Variants in RARA observed in about 807,000 individuals in gnomAD.
The protein encoded by RARA is retinoic acid receptor alpha.
A neutral mutation model predicts 42.8 loss-of-function variants in RARA; 5 were observed. That is an observed-to-expected ratio of 0.12 (90% CI 0.06 to 0.25). The LOEUF is 0.25. Among genes scored for constraint, RARA ranks in the 10% least tolerant of loss-of-function variants. The pLI is 1.00. For synonymous variants in RARA, 256 were observed against 259.5 expected, an observed-to-expected ratio of 0.99 and a Z score of 0.13; for missense variants, 402 against 628.7, an observed-to-expected ratio of 0.64 and a Z score of 3.86.
At chr17:40,333,532 T>C (rs1455084226) in intron 2 of RARA, among the ~76,000 whole-genome samples, 4 of 151,874 alleles carry the variant, frequency 2.6e-5, no homozygotes, top group East Asian at 1.9e-4. Flanking sequence ...GATGGGGTTT[T>C]GCCATGTTGG....
At chr17:40,342,728 G>C (rs2034113564) in intron 2 of RARA, 2 of 1,611,818 alleles carry the variant, frequency 1.2e-6, no homozygotes, top group African/African-American at 1.3e-5. Context: ...TAGAAGTGGG[G>C]GGTCCCACCC....
In RARA at chr17:40,356,725, T is replaced by C. The variant is rs2034645399; in HGVS notation, c.*499T>C. On this transcript the variant is annotated 3_prime_UTR_variant, in exon 9 of 9. Transcript: ENST00000254066. ...TGCCATACCAACCCCAGGTATTAAT[T>C]CTCGCTGGTTTTGTTTTTATTTTAA... 1.9e-6 allele frequency: 1 copy of C among 534,362 alleles called. No homozygotes were observed. Among genetic ancestry groups the C allele is most frequent in the Non-Finnish European group, 3.6e-6 (1 of 277,620 alleles). 33.1% of individuals were successfully genotyped at this position (534,362 alleles called of 1,614,324 possible). A position where few individuals can be genotyped will look rare whatever the true frequency, so the allele number is the denominator to read the frequency against.
At chr17:40,313,483 C>T (rs2033134082) in intron 1 of RARA, among the ~76,000 whole-genome samples, 1 of 152,144 alleles carries the variant, frequency 6.6e-6, no homozygotes, top group African/African-American at 2.4e-5. Flanking sequence ...CCCCACAGGC[C>T]ACCATGCTGC....
chr17:40,318,437 C>T (rs1383243493), intron 1 of RARA: 1 of 152,332 alleles, frequency 6.6e-6, no homozygotes, highest in Admixed American at 6.5e-5. Flanking sequence ...GGGTTGCTTC[C>T]CCCGCTGCGA....
intron 1 of RARA, among the ~76,000 whole-genome samples, chr17:40,318,791 C>G (rs553386903): frequency 1.2e-4 from 19 of 152,352 alleles, no homozygotes; most frequent in Non-Finnish European, 2.8e-4. Flanking sequence ...GAATTCAAAC[C>G]TGTTTGGGGA....
At chr17:40,343,263 G>C (rs764007471) in intron 2 of RARA, 2 of 161,738 alleles carry the variant, frequency 1.2e-5, no homozygotes, top group African/African-American at 2.4e-5. Flanking sequence ...CTGCTCCCGG[G>C]GGAAGGCCCC....
At chr17:40,341,516 T>G in intron 2 of RARA, 1 of 1,481,212 alleles carries the variant, frequency 6.8e-7, no homozygotes, top group Non-Finnish European at 9.0e-7. Context: ...CTGCCGCCGC[T>G]CTCCGCGTCT....
rs904865502 is a variant in RARA at position 40,345,491 on chromosome 17, G to C, written c.179-2825G>C. On this transcript the variant is annotated intron_variant, in intron 2 of 8. Coordinates refer to ENST00000254066, the MANE Select transcript of RARA (RefSeq NM_000964.4). The surrounding 1 kb of genome is among the most constrained non-coding windows in gnomAD (Gnocchi z 4.8). ...TGTGCGAGCCTGCGAACGGCTCGGG[G>C]GCGTGGGGAATCCGGAGTGGAGCGC... Among the ~76,000 whole-genome samples, 2 of 152,210 alleles carry C rather than the reference G, an allele frequency of 1.3e-5. No homozygotes were observed. The highest frequency in any genetic ancestry group is 2.9e-5 in the Non-Finnish European group (2 of 68,018).
intron 1 of RARA, among the ~76,000 whole-genome samples, chr17:40,312,511 C>G (rs986053603): frequency 6.6e-6 from 1 of 152,232 alleles, no homozygotes; most frequent in Admixed American, 6.5e-5. Flanking sequence ...TGGTCAGTCC[C>G]CTGGCAGGAG....
chr17:40,315,601 G>C (rs1459898701), intron 1 of RARA, among the ~76,000 whole-genome samples: 1 of 152,008 alleles, frequency 6.6e-6, no homozygotes, highest in Non-Finnish European at 1.5e-5. Flanking sequence ...GGTCTTGGAG[G>C]GCCAATTGCT....
chr17:40,309,816 A>G (rs1260282939), intron 1 of RARA, among the ~76,000 whole-genome samples: 1 of 152,158 alleles, frequency 6.6e-6, no homozygotes, highest in Non-Finnish European at 1.5e-5. Context: ...AGGCTTTGCT[A>G]GAGGGTAGTG....
At chr17:40,316,390 C>T (rs1194608899) in intron 1 of RARA, among the ~76,000 whole-genome samples, 1 of 152,202 alleles carries the variant, frequency 6.6e-6, no homozygotes, top group Non-Finnish European at 1.5e-5. Flanking sequence ...ATACATGCGT[C>T]GGGGATGTAC....
At chr17:40,322,198 T>C (rs182924104) in intron 1 of RARA, among the ~76,000 whole-genome samples, 3,356 of 152,010 alleles carry the variant, frequency 0.022, 66 homozygotes, top group Non-Finnish European at 0.034. Flanking sequence ...TTCCCCCACC[T>C]TCAGCCAAGG....
Position 40,357,175 on chromosome 17 carries a change from TG to T in RARA, c.*951del. 1 of 237,762 alleles carries T rather than the reference TG, an allele frequency of 4.2e-6. No homozygotes were observed. Among genetic ancestry groups the T allele is most frequent in the Non-Finnish European group, 8.3e-6 (1 of 120,734 alleles). The allele number at this position is 237,762 out of a possible 1,614,324, so 14.7% of individuals were successfully genotyped here. On this transcript the variant is annotated 3_prime_UTR_variant, in exon 9 of 9. Coordinates refer to ENST00000254066, the MANE Select transcript of RARA (RefSeq NM_000964.4). Reference sequence around the variant, plus strand: ...CCCCGGGACAGAGTTTTCCCAGACCTGGCTCCTCGGCAGAGCTGCCTCCCGT... The same window carrying T: ...CCCCGGGACAGAGTTTTCCCAGACCTGCTCCTCGGCAGAGCTGCCTCCCGT...
At chr17:40,337,802 T>C (rs139342026) in intron 2 of RARA, among the ~76,000 whole-genome samples, 9 of 152,300 alleles carry the variant, frequency 5.9e-5, no homozygotes, top group African/African-American at 2.2e-4. Flanking sequence ...GTCCTTCCCT[T>C]CTTCCTATCC....
Position 40,354,292 on chromosome 17 carries a change from C to T in RARA, c.808-10C>T, listed in dbSNP as rs1221040271. The T allele has an allele frequency of 6.2e-7, 1 of 1,613,620 alleles. No individual in the cohort carries two copies. Among genetic ancestry groups the T allele is most frequent in the South Asian group, 1.1e-5 (1 of 91,044 alleles). Reference sequence around the variant, plus strand: ...TTCAGTCCCTGAACCCAAGCATCCTCTGCACCCAGATCCTGCGGATCTGCA... The same window carrying T: ...TTCAGTCCCTGAACCCAAGCATCCTTTGCACCCAGATCCTGCGGATCTGCA... On this transcript the variant is annotated splice_polypyrimidine_tract_variant and intron_variant, in intron 6 of 8. Coordinates refer to ENST00000254066, the MANE Select transcript of RARA (RefSeq NM_000964.4). This position sits in a 1 kb window ranked among gnomAD's most constrained non-coding sequence, Gnocchi z 4.5.
At position 40,354,246 on chromosome 17, in the gene RARA, A is replaced by G. The variant is rs768091979; in HGVS notation, c.808-56A>G. On this transcript the variant is annotated intron_variant, in intron 6 of 8. Coordinates refer to ENST00000254066, the MANE Select transcript of RARA (RefSeq NM_000964.4). This position sits in a 1 kb window ranked among gnomAD's most constrained non-coding sequence, Gnocchi z 4.5. ...GTGCTGGTGCGGAGTGCTGGTGCCG[A>G]GTGCTCAGAGTGGGTTCGGGTTCAG... 6.4e-7 allele frequency: 1 copy of G among 1,550,744 alleles called. No homozygotes were observed. Among genetic ancestry groups the G allele is most frequent in the Non-Finnish European group, 8.9e-7 (1 of 1,129,376 alleles).
chr17:40,341,607 C>G lies in RARA; in HGVS notation c.179-6709C>G, dbSNP rs532579180. The G allele has an allele frequency of 3.7e-6, 5 of 1,356,248 alleles. No homozygotes were observed. In the Admixed American group the frequency reaches 1.6e-4, roughly 45 times the overall value. The allele number at this position is 1,356,248 out of a possible 1,614,324, so 84.0% of individuals were successfully genotyped here. A position where few individuals can be genotyped will look rare whatever the true frequency, so the allele number is the denominator to read the frequency against. On this transcript the variant is annotated intron_variant, in intron 2 of 8. Transcript: ENST00000254066. ...GCGGGCTGGCGAGCGGGTGATGTCACGGGCAGCGGTGGGTGGGTCACTCGG... is the reference window on the plus strand; with the variant it reads ...GCGGGCTGGCGAGCGGGTGATGTCAGGGGCAGCGGTGGGTGGGTCACTCGG...
chr17:40,356,986 A>G lies in RARA; in HGVS notation c.*760A>G. On this transcript the variant is annotated 3_prime_UTR_variant, in exon 9 of 9. Transcript: ENST00000254066. ...TAAAACTGTGAAGTACTAACTTTCCAAGGCCTGCCTTCCCCTCCCTCCCAC... is the reference window on the plus strand; with the variant it reads ...TAAAACTGTGAAGTACTAACTTTCCGAGGCCTGCCTTCCCCTCCCTCCCAC... 1 of 377,218 alleles carries G rather than the reference A, an allele frequency of 2.7e-6. No homozygotes were observed. The highest frequency in any genetic ancestry group is 5.0e-5 in the East Asian group (1 of 19,864). 23.4% of individuals were successfully genotyped at this position (377,218 alleles called of 1,614,324 possible). A position where few individuals can be genotyped will look rare whatever the true frequency, so the allele number is the denominator to read the frequency against.
Sources: allele counts gnomAD v4.1 joint callset (sites outside exome capture counted in the v4.1 genomes callset), GRCh38; gene constraint gnomAD v4.1.1; non-coding constraint Gnocchi (gnomAD v3.1); transcripts MANE v1.5; gene names NCBI Gene and HGNC (gene_info 2026-07-23, HGNC 2026-07-21).